The following PCDH15 variants were observed in gnomAD, a reference collection of about 807,000 sequenced individuals.
The protein encoded by PCDH15 is protocadherin related 15.
PCDH15 carries 129 observed loss-of-function variants against 178.5 expected under a neutral mutation model. The observed-to-expected ratio is 0.72, with a 90% CI of 0.63 to 0.84. The LOEUF (loss-of-function observed/expected upper bound fraction) is 0.84. PCDH15 is among the 40% of genes least tolerant of loss of function. PCDH15 has a pLI of 0.00. For missense variants in PCDH15, 2,230 were observed against 2,099.9 expected (o/e 1.06, Z -1.21); for synonymous variants, 800 against 732.0 (o/e 1.09, Z -1.50).
intron 3 of PCDH15, among the ~76,000 whole-genome samples, chr10:54,391,577 A>C (rs1950550494): frequency 6.7e-6 from 1 of 148,440 alleles, no homozygotes; most frequent in African/African-American, 2.6e-5. Flanking sequence ...CAGAAGAAAA[A>C]TTTCATCAGG....
At chr10:55,026,363 C>T (rs1840475778) in intron 2 of PCDH15, among the ~76,000 whole-genome samples, 1 of 151,802 alleles carries the variant, frequency 6.6e-6, no homozygotes, top group Admixed American at 6.6e-5. Context: ...ACATATTTAA[C>T]ATTATGTATA....
Position 55,086,267 on chromosome 10 carries a change from G to C in PCDH15, c.-80+80309C>G, listed in dbSNP as rs532258633. The stretch of plus-strand genomic sequence containing the variant: ...AAGTGCCATTTAATTATTTTTAGAT[G>C]AAAACTATATTAAAGTGTATTTTCT... On this transcript the variant is annotated intron_variant, in intron 2 of 5. Coordinates refer to the PCDH15 transcript ENST00000458638. Among the ~76,000 whole-genome samples the C allele has an allele frequency of 1.2e-3, 179 of 151,850 alleles. No homozygotes were observed. In the South Asian group the frequency reaches 0.014, roughly 12 times the overall value.
chr10:55,259,196 T>C (rs943051232), intron 1 of PCDH15, among the ~76,000 whole-genome samples: 2 of 152,116 alleles, frequency 1.3e-5, no homozygotes, highest in African/African-American at 4.8e-5. Context: ...ACTAGAAAGT[T>C]CAACACAAGA....
chr10:53,933,270 C>T (rs2085246830), intron 25 of PCDH15, among the ~76,000 whole-genome samples: 1 of 151,706 alleles, frequency 6.6e-6, no homozygotes, highest in Non-Finnish European at 1.5e-5. Context: ...GTGTGCTGCA[C>T]CCATTAACTC....
chr10:55,072,143 C>A (rs1841763056), intron 2 of PCDH15, among the ~76,000 whole-genome samples: 1 of 151,880 alleles, frequency 6.6e-6, no homozygotes, highest in African/African-American at 2.4e-5. Context: ...CAAGAGAAAG[C>A]AGGAAAGATG....
intron 2 of PCDH15, among the ~76,000 whole-genome samples, chr10:54,572,275 G>C (rs1233991092): frequency 6.6e-6 from 1 of 152,008 alleles, no homozygotes; most frequent in Non-Finnish European, 1.5e-5. Flanking sequence ...GAACCTAACT[G>C]AACTCCTGAT....
Position 54,630,616 on chromosome 10 carries a change from A to C in PCDH15, c.91+33556T>G, listed in dbSNP as rs2093676365. 2.0e-5 allele frequency among the ~76,000 whole-genome samples: 3 copies of C among 152,208 alleles called. No individual in the cohort carries two copies. In the South Asian group the frequency reaches 6.2e-4, roughly 31 times the overall value. ...CTAAGAATTTATGAGTAAGTCCTCA[A>C]AAGTAATTGCAAAAACAAAAATTAC... On this transcript the variant is annotated intron_variant, in intron 2 of 37. Transcript: ENST00000644397.
chr10:54,004,255 T>C (rs1398276205), intron 20 of PCDH15, among the ~76,000 whole-genome samples: 2 of 152,026 alleles, frequency 1.3e-5, no homozygotes, highest in Non-Finnish European at 2.9e-5. Flanking sequence ...ATCACCACTG[T>C]TATTCAATAT....
intron 3 of PCDH15, among the ~76,000 whole-genome samples, chr10:54,494,400 T>A (rs1443356827): frequency 6.6e-6 from 1 of 152,132 alleles, no homozygotes; most frequent in East Asian, 1.9e-4. Context: ...CATTGTTGCC[T>A]CATAAATGAT....
intron 3 of PCDH15, among the ~76,000 whole-genome samples, chr10:54,810,770 C>T (rs1477871608): frequency 1.3e-5 from 2 of 151,930 alleles, no homozygotes; most frequent in Non-Finnish European, 2.9e-5. Flanking sequence ...AATAAAAAAA[C>T]TAAAATTTAA....
chr10:53,933,222 G>A (rs955753036), intron 25 of PCDH15, among the ~76,000 whole-genome samples: 2 of 151,398 alleles, frequency 1.3e-5, no homozygotes, highest in South Asian at 2.1e-4. Flanking sequence ...TGTGCACAAC[G>A]TGTAGGTTTG....
At chr10:54,604,189 A>G (rs969734192) in intron 2 of PCDH15, among the ~76,000 whole-genome samples, 2 of 151,928 alleles carry the variant, frequency 1.3e-5, no homozygotes, top group Non-Finnish European at 2.9e-5. Flanking sequence ...TTGTTTTGTT[A>G]TCTAATAGGT....
chr10:55,464,033 G>A (rs1045267779), intron 2 of PCDH15, among the ~76,000 whole-genome samples: 1 of 121,772 alleles, frequency 8.2e-6, no homozygotes, highest in African/African-American at 2.9e-5. Flanking sequence ...AAGAAAGAAA[G>A]AAAGAAAGAA....
rs540863923 is a variant in PCDH15 at position 55,255,009 on chromosome 10, A to T, written c.-156+64590T>A. Among the ~76,000 whole-genome samples the T allele has an allele frequency of 6.0e-4, 91 of 152,034 alleles. 2 individuals are homozygous for T. In the East Asian group the frequency reaches 0.016, roughly 26 times the overall value. On this transcript the variant is annotated intron_variant, in intron 1 of 5. Coordinates refer to the PCDH15 transcript ENST00000458638. ...GGTACAGGTGCACAATGTGCAGGTTAGTTACATATGTATACATGTGCCATG... is the reference window on the plus strand; with the variant it reads ...GGTACAGGTGCACAATGTGCAGGTTTGTTACATATGTATACATGTGCCATG...
chr10:53,946,846 C>T (rs912952760), intron 23 of PCDH15, among the ~76,000 whole-genome samples: 2 of 152,168 alleles, frequency 1.3e-5, no homozygotes, highest in Non-Finnish European at 2.9e-5. Context: ...GGCGCGATCT[C>T]GGCTCACTGC....
intron 4 of PCDH15, among the ~76,000 whole-genome samples, chr10:54,373,027 A>T (rs1171512700): frequency 6.6e-6 from 1 of 151,922 alleles, no homozygotes; most frequent in East Asian, 1.9e-4. Flanking sequence ...AGAAAAAAAT[A>T]TAAAATAGAA....
chr10:55,014,640 G>A (rs557322756), intron 2 of PCDH15, among the ~76,000 whole-genome samples: 20 of 152,200 alleles, frequency 1.3e-4, no homozygotes, highest in South Asian at 2.1e-4. Context: ...AATGCAAAAC[G>A]TATAGTCTTG....
chr10:55,100,659 C>T (rs1267126658), intron 2 of PCDH15, among the ~76,000 whole-genome samples: 1 of 152,052 alleles, frequency 6.6e-6, no homozygotes, highest in African/African-American at 2.4e-5. Flanking sequence ...TAACAGCCAG[C>T]TCTCATGCGA....
At chr10:54,925,941 G>T (rs1837611336) in intron 2 of PCDH15, among the ~76,000 whole-genome samples, 1 of 151,952 alleles carries the variant, frequency 6.6e-6, no homozygotes, top group South Asian at 2.1e-4. Flanking sequence ...GTGTTTATTT[G>T]TTTGTTGTGC....
Sources: gnomAD v4.1 joint callset for allele counts (sites outside exome capture counted in the v4.1 genomes callset) on GRCh38, gnomAD v4.1.1 for gene constraint, MANE v1.5 for transcripts, NCBI Gene and HGNC (gene_info 2026-07-23, HGNC 2026-07-21) for gene names.